HPS3: variants seen among roughly 807,000 people sequenced by gnomAD.
The protein encoded by HPS3 is HPS3 biogenesis of lysosomal organelles complex 2 subunit 1, also known as BLOC-2 complex member HPS3.
In HPS3, 79 loss-of-function variants were observed where a neutral mutation model predicts 110.9. The observed-to-expected ratio is 0.71, with a 90% CI of 0.59 to 0.86. HPS3 has a LOEUF of 0.86. Among genes scored for constraint, HPS3 ranks in the 40% least tolerant of loss-of-function variants. HPS3 has a pLI of 0.00. For synonymous variants in HPS3, 428 were observed against 451.0 expected (o/e 0.95, Z 0.65); for missense variants, 1,197 against 1,206.2 (o/e 0.99, Z 0.11).
At position 149,141,280 on chromosome 3, in the gene HPS3, T is replaced by G. The variant is rs1263266951; in HGVS notation, c.885-15T>G. 6.2e-7 allele frequency: 1 copy of G among 1,613,262 alleles called. No homozygotes were observed. The highest frequency in any genetic ancestry group is 1.1e-5 in the South Asian group (1 of 91,048). On this transcript the variant is annotated splice_polypyrimidine_tract_variant and intron_variant, in intron 3 of 16. Coordinates refer to ENST00000296051, the MANE Select transcript of HPS3 (RefSeq NM_032383.5). ...AGTTATATTTTTCCCTTTCTCTGTC[T>G]TTTTAAACCCACAGACGTTTTGCTC...
chr3:149,157,242 T>A, intron 8 of HPS3, 108 bp from the exon 9 acceptor site: 1 of 995,518 alleles, frequency 1.0e-6, no homozygotes, highest in Non-Finnish European at 1.5e-6. Flanking sequence ...TAGGGTTTAA[T>A]ATGTCCAAAT....
At chr3:149,154,336 G>A (rs1723309526) in intron 7 of HPS3, among the ~76,000 whole-genome samples, 1 of 152,098 alleles carries the variant, frequency 6.6e-6, no homozygotes, top group Non-Finnish European at 1.5e-5. Flanking sequence ...TCAAACATGG[G>A]TTATTTTTAA....
At chr3:149,137,364 G>A (rs539452457) in intron 1 of HPS3, among the ~76,000 whole-genome samples, 20 of 152,270 alleles carry the variant, frequency 1.3e-4, no homozygotes, top group African/African-American at 4.3e-4. Context: ...ACCCTTAAAC[G>A]TTGCTGGTAG....
Position 149,167,145 on chromosome 3 carries a change from T to G in HPS3, c.2701T>G (p.Leu901Val), listed in dbSNP as rs1366000709. Residue 901 changes from leucine to valine, a missense_variant, in exon 15 of 17, where the codon TTG becomes GTG. Leu to Val is a conservative substitution (Grantham distance 32, BLOSUM62 1). Coordinates refer to ENST00000296051, the MANE Select transcript of HPS3 (RefSeq NM_032383.5). Reference protein sequence around the residue: ...LSVHVLCRTRLKEYEQCIDIL... With the variant: ...LSVHVLCRTRVKEYEQCIDIL... ...TGTCCATGTTCTGTGTCGTACACGCTTGAAAGAGTATGAACAGTGCATAGA... is the reference window on the plus strand; with the variant it reads ...TGTCCATGTTCTGTGTCGTACACGCGTGAAAGAGTATGAACAGTGCATAGA... 1 of 1,613,810 alleles carries G rather than the reference T, an allele frequency of 6.2e-7. No individual in the cohort carries two copies. The highest frequency in any genetic ancestry group is 8.5e-7 in the Non-Finnish European group (1 of 1,179,822).
chr3:149,163,807 A>G (rs1374606305), intron 13 of HPS3, 35 bp from the exon 14 acceptor site: 1 of 1,133,214 alleles, frequency 8.8e-7, no homozygotes, highest in Admixed American at 1.7e-5. Flanking sequence ...TTTTGTTGTT[A>G]TATTTTGTTT....
In HPS3 at chr3:149,168,054, G is replaced by A. The variant is rs1724607737; in HGVS notation, c.2887+71G>A. The A allele has an allele frequency of 5.4e-6, 5 of 920,202 alleles. No individual in the cohort carries two copies. In the East Asian group the frequency reaches 9.9e-5, roughly 18 times the overall value. 57.0% of individuals were successfully genotyped at this position (920,202 alleles called of 1,614,324 possible). On this transcript the variant is annotated intron_variant, in intron 16 of 16. Coordinates refer to ENST00000296051, the MANE Select transcript of HPS3 (RefSeq NM_032383.5). ...TTTAAATTTGGTGAAGCCTTCTTAA[G>A]TATTTTCATGTGATTCTCAAGTGAA...
At position 149,163,859 on chromosome 3, in the gene HPS3, T is replaced by A; in HGVS notation, c.2499T>A (p.His833Gln). ...TGTTTTAGATAAATGCCTGTAGTCA[T>A]TATGGCTTAATTTATCCATGGGTTC... Reference protein sequence around the residue: ...TSEDLINACSHYGLIYPWVHV... With the variant: ...TSEDLINACSQYGLIYPWVHV... Residue 833 changes from histidine to glutamine, a missense_variant, in exon 14 of 17, where the codon CAT becomes CAA. Physicochemically the swap from His to Gln is conservative, Grantham distance 24. Coordinates refer to ENST00000296051, the MANE Select transcript of HPS3 (RefSeq NM_032383.5). The A allele has an allele frequency of 6.4e-7, 1 of 1,560,758 alleles. No individual in the cohort carries two copies. Among genetic ancestry groups the A allele is most frequent in the Non-Finnish European group, 8.8e-7 (1 of 1,131,380 alleles).
At chr3:149,159,486 C>T (rs147169310) in intron 10 of HPS3, among the ~76,000 whole-genome samples, 2,362 of 152,190 alleles carry the variant, frequency 0.016, 29 homozygotes, top group Non-Finnish European at 0.024. Flanking sequence ...TCGCTTGAGC[C>T]CAGGAGTTTG....
chr3:149,161,542 T>C (rs1292077318), intron 11 of HPS3, among the ~76,000 whole-genome samples: 10 of 146,514 alleles, frequency 6.8e-5, no homozygotes, highest in Non-Finnish European at 1.3e-4. Context: ...GAGAGCCTCG[T>C]TCTGTGGCCC....
chr3:149,147,963 C>T (rs574813026), intron 5 of HPS3, among the ~76,000 whole-genome samples: 7 of 152,166 alleles, frequency 4.6e-5, no homozygotes, highest in Non-Finnish European at 8.8e-5. Flanking sequence ...CTCTGCCTCC[C>T]GGGTTTAAGC....
intron 7 of HPS3, 61 bp from the exon 8 acceptor site, chr3:149,155,046 T>C: frequency 3.4e-6 from 3 of 876,006 alleles, no homozygotes; most frequent in Non-Finnish European, 5.9e-6. Context: ...TATTTACCAT[T>C]TACAACTACC....
intron 14 of HPS3, among the ~76,000 whole-genome samples, chr3:149,165,365 A>G (rs1724309532): frequency 6.6e-6 from 1 of 152,226 alleles, no homozygotes; most frequent in South Asian, 2.1e-4. Flanking sequence ...ATCTTTTAAA[A>G]TTTGTTTTAA....
rs1482438538 is a variant in HPS3, at chr3:149,162,150, G to T, written c.2109G>T (p.Met703Ile). ...HRNEMKSHSE[M>I]KLVCGFILEP... The stretch of plus-strand genomic sequence containing the variant: ...CTAAATTTCTTTCTTATCTGAAGAT[G>T]AAGTTGGTATGTGGCTTCATTCTGG... Residue 703 changes from methionine (M) to isoleucine (I), a missense_variant and splice_region_variant, in exon 12 of 17, where the codon ATG becomes ATT. Met to Ile is a conservative substitution (Grantham distance 10). Transcript: ENST00000296051. The T allele has an allele frequency of 1.9e-6, 3 of 1,613,360 alleles. No homozygotes were observed. The highest frequency in any genetic ancestry group is 2.7e-5 in the African/African-American group (2 of 74,902).
At chr3:149,155,868 TACA>T (rs1299872532) in intron 8 of HPS3, among the ~76,000 whole-genome samples, 2 of 152,054 alleles carry the variant, frequency 1.3e-5, no homozygotes, top group Non-Finnish European at 2.9e-5. Context: ...ATCCCATCTG[TACA>T]AAAAATTAAA....
chr3:149,136,718 A>C (rs17786967), intron 1 of HPS3, among the ~76,000 whole-genome samples: 6,600 of 152,290 alleles, frequency 0.043, 182 homozygotes, highest in African/African-American at 0.083. Context: ...TCAGGCAGGC[A>C]CATTTAGCAA....
In HPS3 at chr3:149,140,337, A is replaced by C. The variant is rs1300539956; in HGVS notation, c.551A>C (p.Asp184Ala). 2 of 1,613,370 alleles carry C rather than the reference A, an allele frequency of 1.2e-6. No individual in the cohort carries two copies. Among genetic ancestry groups the C allele is most frequent in the Non-Finnish European group, 1.7e-6 (2 of 1,179,420 alleles). Residue 184 changes from aspartate (D) to alanine (A), a missense_variant, in exon 2 of 17, where the codon GAT (aspartate) becomes GCT (alanine). Transcript: ENST00000296051. Reference sequence around the variant, plus strand: ...GAACGTTCTTTAATTATACACATAGATAATATCACTCCTGTTGAGGTTTCT... The same window carrying C: ...GAACGTTCTTTAATTATACACATAGCTAATATCACTCCTGTTGAGGTTTCT... ...DFERSLIIHI[D>A]NITPVEVSFC...
chr3:149,158,939 A>G, intron 10 of HPS3, 93 bp downstream of exon 10: 1 of 880,584 alleles, frequency 1.1e-6, no homozygotes. Flanking sequence ...CAGATTCCAA[A>G]TATTTTTCTT....
Position 149,129,822 on chromosome 3 carries a change from T to C in HPS3, c.99T>C (p.Leu33=). The change falls in exon 1 of 17, where the codon CTT becomes CTC. Residue 33 remains leucine (L), a synonymous_variant. Transcript: ENST00000296051. ...DRFCGGGRDA[L]FVAAGCKVEA... ...TCTGTGGCGGGGGGCGTGACGCGCT[T>C]TTCGTGGCGGCGGGCTGCAAGGTGG... 2 of 1,605,896 alleles carry C rather than the reference T, an allele frequency of 1.2e-6. No individual in the cohort carries two copies. The highest frequency in any genetic ancestry group is 1.1e-5 in the South Asian group (1 of 90,872).
chr3:149,153,731 A>C (rs751469394), intron 7 of HPS3, 83 bp downstream of exon 7: 1 of 1,400,472 alleles, frequency 7.1e-7, no homozygotes, highest in East Asian at 2.3e-5. Context: ...TCTTTTTTCA[A>C]ATCATAACTT....
Sources: gnomAD v4.1 joint callset for allele counts (sites outside exome capture counted in the v4.1 genomes callset) on GRCh38, gnomAD v4.1.1 for gene constraint, MANE v1.5 for transcripts, NCBI Gene and HGNC (gene_info 2026-07-23, HGNC 2026-07-21) for gene names.